Variants in ADAM23 observed in about 807,000 individuals in gnomAD.
ADAM23 encodes disintegrin and metalloproteinase domain-containing protein 23.
In ADAM23, 33 loss-of-function variants were observed where a neutral mutation model predicts 120.1. The ratio of observed to expected loss-of-function variants is 0.27; its 90% CI spans 0.21 to 0.37. ADAM23 has a LOEUF of 0.37. Among genes scored for constraint, ADAM23 ranks in the 10% least tolerant of loss-of-function variants. The pLI, the probability that ADAM23 is intolerant of heterozygous loss-of-function variation, is 1.00. For missense variants in ADAM23, 862 were observed against 1,058.2 expected, an observed-to-expected ratio of 0.81 and a Z score of 2.57; for synonymous variants, 367 against 375.2, an observed-to-expected ratio of 0.98 and a Z score of 0.25.
chr2:206,508,069 T>TAG (rs1559239476), intron 3 of ADAM23, among the ~76,000 whole-genome samples: 85 of 152,180 alleles, frequency 5.6e-4, no homozygotes, highest in African/African-American at 2.0e-3. Flanking sequence ...TCGCTCTGTT[T>TAG]CCCAGGCTGG....
intron 24 of ADAM23, among the ~76,000 whole-genome samples, chr2:206,602,113 A>G (rs1435169492): frequency 6.6e-6 from 1 of 152,210 alleles, no homozygotes; most frequent in Non-Finnish European, 1.5e-5. Context: ...ATGAGAAGTT[A>G]TCCTTATCAT....
intron 9 of ADAM23, 76 bp from the exon 10 acceptor site, chr2:206,557,351 T>C: frequency 8.6e-7 from 1 of 1,160,416 alleles, no homozygotes; most frequent in Non-Finnish European, 1.3e-6. Context: ...TACTGAGATA[T>C]TTCTGCTTTT....
chr2:206,531,566 A>G (rs1697063361), intron 4 of ADAM23, among the ~76,000 whole-genome samples: 1 of 152,156 alleles, frequency 6.6e-6, no homozygotes, highest in African/African-American at 2.4e-5. Context: ...ATAAAGAGCA[A>G]GTGGATTTGG....
intron 2 of ADAM23, among the ~76,000 whole-genome samples, chr2:206,452,921 C>T (rs1247123924): frequency 2.6e-5 from 4 of 152,266 alleles, no homozygotes; most frequent in Non-Finnish European, 4.4e-5. Context: ...TTCTTGTCAT[C>T]GCCTCTGGTC....
intron 3 of ADAM23, among the ~76,000 whole-genome samples, chr2:206,498,521 C>T (rs376544399): frequency 6.6e-6 from 1 of 152,000 alleles, no homozygotes. Flanking sequence ...TAAAGACTTA[C>T]ATGTTAGACC....
At chr2:206,449,717 C>T (rs1397702622) in intron 2 of ADAM23, among the ~76,000 whole-genome samples, 3 of 152,160 alleles carry the variant, frequency 2.0e-5, no homozygotes, top group East Asian at 3.9e-4. Context: ...TTGCGGTGAG[C>T]GTCACTGCAG....
intron 2 of ADAM23, among the ~76,000 whole-genome samples, chr2:206,453,514 A>G (rs997206609): frequency 1.3e-4 from 20 of 152,230 alleles, no homozygotes; most frequent in African/African-American, 4.3e-4. Context: ...AGACTCATTC[A>G]TTCATATAAT....
At chr2:206,456,037 A>G (rs971765394) in intron 2 of ADAM23, among the ~76,000 whole-genome samples, 4 of 151,818 alleles carry the variant, frequency 2.6e-5, no homozygotes, top group Admixed American at 2.6e-4. Context: ...ACAATGTTCC[A>G]CTCCTGGTAC....
chr2:206,471,223 G>A (rs912645994), intron 2 of ADAM23, among the ~76,000 whole-genome samples: 1 of 152,176 alleles, frequency 6.6e-6, no homozygotes, highest in Non-Finnish European at 1.5e-5. Context: ...ATCATTTATG[G>A]TTTGCTAGGT....
At chr2:206,500,499 G>T (rs942177382) in intron 3 of ADAM23, among the ~76,000 whole-genome samples, 12 of 152,162 alleles carry the variant, frequency 7.9e-5, no homozygotes, top group African/African-American at 2.9e-4. Context: ...CTCTATCTCA[G>T]CGGTGAATGA....
intron 24 of ADAM23, among the ~76,000 whole-genome samples, chr2:206,608,193 A>G (rs1000568334): frequency 5.3e-5 from 8 of 152,230 alleles, no homozygotes; most frequent in African/African-American, 1.9e-4. Flanking sequence ...CAACTTCTCA[A>G]CAATGCTGTC....
intron 24 of ADAM23, 169 bp from the exon 25 acceptor site, chr2:206,609,741 T>C: frequency 1.8e-6 from 1 of 567,604 alleles, no homozygotes; most frequent in Non-Finnish European, 3.0e-6. Context: ...CAAGCAACGC[T>C]CACCGTAGCA....
chr2:206,556,250 A>G (rs1416724065), intron 9 of ADAM23, among the ~76,000 whole-genome samples: 1 of 152,124 alleles, frequency 6.6e-6, no homozygotes, highest in Admixed American at 6.6e-5. Flanking sequence ...TGTTGTTATA[A>G]AAAATAAACA....
At chr2:206,583,370 C>T (rs530224511) in intron 18 of ADAM23, among the ~76,000 whole-genome samples, 126 of 151,546 alleles carry the variant, frequency 8.3e-4, no homozygotes, top group African/African-American at 2.9e-3. Context: ...AGGAGAATGG[C>T]GTGAACCCGG....
At chr2:206,560,354 C>T (rs541513013) in intron 11 of ADAM23, among the ~76,000 whole-genome samples, 696 of 151,896 alleles carry the variant, frequency 4.6e-3, no homozygotes, top group Middle Eastern at 0.02. Flanking sequence ...AAGATCAACT[C>T]ACAATCTAGG....
intron 18 of ADAM23, among the ~76,000 whole-genome samples, chr2:206,582,100 A>G (rs1698229799): frequency 6.6e-6 from 1 of 152,094 alleles, no homozygotes; most frequent in Non-Finnish European, 1.5e-5. Flanking sequence ...CTGGTCTCGA[A>G]TTCTTGACCC....
chr2:206,513,750 C>T (rs185137300), intron 3 of ADAM23, among the ~76,000 whole-genome samples: 109 of 152,276 alleles, frequency 7.2e-4, no homozygotes, highest in Admixed American at 1.4e-3. Flanking sequence ...AACCTGGCTT[C>T]GACGCTGCAA....
intron 23 of ADAM23, among the ~76,000 whole-genome samples, chr2:206,595,159 G>A (rs1258703237): frequency 6.6e-6 from 1 of 152,076 alleles, no homozygotes; most frequent in Non-Finnish European, 1.5e-5. Context: ...CCAGCCTGGC[G>A]ACAGAGCGAG....
chr2:206,543,147 A>G, intron 5 of ADAM23, 106 bp from the exon 6 acceptor site: 1 of 955,276 alleles, frequency 1.0e-6, no homozygotes, highest in Non-Finnish European at 1.6e-6. Flanking sequence ...GGATTTGTTC[A>G]GTTATACTCT....
Sources: gnomAD v4.1 joint callset for allele counts (sites outside exome capture counted in the v4.1 genomes callset) on GRCh38, gnomAD v4.1.1 for gene constraint, MANE v1.5 for transcripts, NCBI Gene and HGNC (gene_info 2026-07-23, HGNC 2026-07-21) for gene names.